The following PDE1A variants were observed in gnomAD, a reference collection of about 807,000 sequenced individuals.
PDE1A encodes dual specificity calcium/calmodulin-dependent 3',5'-cyclic nucleotide phosphodiesterase 1A.
A neutral mutation model predicts 61.7 loss-of-function variants in PDE1A; 35 were observed. The observed-to-expected ratio is 0.57, with a 90% CI of 0.43 to 0.75. The LOEUF is 0.75. PDE1A is among the 30% of genes least tolerant of loss of function. PDE1A has a pLI of 0.00. For synonymous variants in PDE1A, 232 were observed against 213.2 expected, an observed-to-expected ratio of 1.09 and a Z score of -0.77; for missense variants, 597 against 630.6, an observed-to-expected ratio of 0.95 and a Z score of 0.57.
At chr2:182,202,895 A>G (rs184745655) in intron 8 of PDE1A, among the ~76,000 whole-genome samples, 201 of 152,310 alleles carry the variant, frequency 1.3e-3, no homozygotes, top group African/African-American at 4.5e-3. Context: ...AACATATTTC[A>G]TTTTCATTGT....
chr2:182,623,177 G>A, the PDE1A span, among the ~76,000 whole-genome samples: 10 of 152,158 alleles, frequency 6.6e-5, no homozygotes. Flanking sequence ...GAATAGGTAG[G>A]CATATGCATA....
At chr2:182,301,140 G>T (rs1695216330) in intron 1 of PDE1A, among the ~76,000 whole-genome samples, 2 of 152,098 alleles carry the variant, frequency 1.3e-5, no homozygotes, top group African/African-American at 4.8e-5. Context: ...TTGAACTAAA[G>T]AACCCATATT....
rs192959493 is a variant in PDE1A at position 182,456,807 on chromosome 2, G to T, written c.101+65469C>A. Among the ~76,000 whole-genome samples, 69 of 152,200 alleles carry T rather than the reference G, an allele frequency of 4.5e-4. 1 individual carries two copies. The highest frequency in any genetic ancestry group is 1.5e-3 in the African/African-American group (62 of 41,552). On this transcript the variant is annotated intron_variant, in intron 2 of 14. Transcript: ENST00000410103. ...TACAACTGCCAAAAAATGTGCGTGT[G>T]TGTTTATATGTAAAATCAAATTAGT...
intron 2 of PDE1A, among the ~76,000 whole-genome samples, chr2:182,435,460 T>C (rs1325179332): frequency 6.6e-6 from 1 of 152,024 alleles, no homozygotes; most frequent in Non-Finnish European, 1.5e-5. Flanking sequence ...TGATTTCAAG[T>C]GCACATGGTG....
the PDE1A span, among the ~76,000 whole-genome samples, chr2:182,704,502 G>A: frequency 1.3e-5 from 2 of 152,160 alleles, no homozygotes; most frequent in Admixed American, 1.3e-4. Flanking sequence ...GGAGAGGAAG[G>A]TCAAAGTAAG....
At chr2:182,255,316 T>A (rs4666829) in intron 2 of PDE1A, among the ~76,000 whole-genome samples, 2,866 of 152,278 alleles carry the variant, frequency 0.019, 114 homozygotes, top group East Asian at 0.087. Flanking sequence ...ATAAAAGCCG[T>A]TCATTAGCCC....
intron 1 of PDE1A, among the ~76,000 whole-genome samples, chr2:182,330,679 A>G (rs1046109315): frequency 6.6e-6 from 1 of 152,070 alleles, no homozygotes; most frequent in African/African-American, 2.4e-5. Flanking sequence ...CTGCAGCTCT[A>G]GAAAGGGGTC....
chr2:182,605,570 G>GT, the PDE1A span, among the ~76,000 whole-genome samples: 1 of 152,192 alleles, frequency 6.6e-6, no homozygotes, highest in Non-Finnish European at 1.5e-5. Context: ...AAATAAACCT[G>GT]TTTTTTAAGT....
At chr2:182,227,129 G>T (rs1186427094) in intron 6 of PDE1A, among the ~76,000 whole-genome samples, 1 of 151,954 alleles carries the variant, frequency 6.6e-6, no homozygotes, top group Non-Finnish European at 1.5e-5. Flanking sequence ...TTTTTCAACG[G>T]ATCACAATAG....
At chr2:182,193,636 G>A (rs1013388913) in intron 10 of PDE1A, among the ~76,000 whole-genome samples, 6 of 151,948 alleles carry the variant, frequency 3.9e-5, no homozygotes, top group East Asian at 3.9e-4. Flanking sequence ...TTCTAAATTC[G>A]AAGAACGCCA....
the PDE1A span, among the ~76,000 whole-genome samples, chr2:182,610,813 C>G: frequency 6.6e-6 from 1 of 151,580 alleles, no homozygotes; most frequent in African/African-American, 2.4e-5. Flanking sequence ...AATTAAGTAT[C>G]CTAAAAACAA....
intron 1 of PDE1A, among the ~76,000 whole-genome samples, chr2:182,273,870 T>C (rs1693214629): frequency 6.6e-6 from 1 of 152,034 alleles, no homozygotes; most frequent in African/African-American, 2.4e-5. Flanking sequence ...CCACCAAAAA[T>C]AACAAAGGAA....
At chr2:182,575,866 A>C in the PDE1A span, among the ~76,000 whole-genome samples, 1 of 146,604 alleles carries the variant, frequency 6.8e-6, no homozygotes. Flanking sequence ...CCTTGTGATC[A>C]TATAAGTTAA....
At chr2:182,203,411 G>A (rs1376372562) in intron 8 of PDE1A, among the ~76,000 whole-genome samples, 2 of 152,182 alleles carry the variant, frequency 1.3e-5, no homozygotes, top group East Asian at 3.8e-4. Flanking sequence ...TAGAAGCCAT[G>A]AGAATCAATA....
At chr2:182,602,325 C>G in the PDE1A span, among the ~76,000 whole-genome samples, 14 of 152,258 alleles carry the variant, frequency 9.2e-5, no homozygotes, top group Non-Finnish European at 1.5e-4. Context: ...AGCCATGTCT[C>G]TCTGCTGCAG....
At chr2:182,672,317 A>T in the PDE1A span, among the ~76,000 whole-genome samples, 1 of 152,206 alleles carries the variant, frequency 6.6e-6, no homozygotes, top group Non-Finnish European at 1.5e-5. Flanking sequence ...TATGCACCTT[A>T]AAATAGTGTT....
chr2:182,608,091 CCTT>C, the PDE1A span, among the ~76,000 whole-genome samples: 5 of 152,208 alleles, frequency 3.3e-5, no homozygotes, highest in African/African-American at 1.2e-4. Flanking sequence ...TTTCCTCCGA[CCTT>C]CTCCTGCCCT....
intron 2 of PDE1A, among the ~76,000 whole-genome samples, chr2:182,249,846 A>G (rs547993568): frequency 6.6e-6 from 1 of 151,744 alleles, no homozygotes; most frequent in East Asian, 1.9e-4. Context: ...CAGCTGCTTT[A>G]TTGCTTTCTT....
intron 2 of PDE1A, among the ~76,000 whole-genome samples, chr2:182,449,628 T>C (rs774599303): frequency 1.3e-5 from 2 of 152,080 alleles, no homozygotes; most frequent in Non-Finnish European, 2.9e-5. Context: ...ACACTAAACA[T>C]TCACTCTTTG....
Sources: allele counts gnomAD v4.1 joint callset (sites outside exome capture counted in the v4.1 genomes callset), GRCh38; gene constraint gnomAD v4.1.1; transcripts MANE v1.5; gene names NCBI Gene and HGNC (gene_info 2026-07-23, HGNC 2026-07-21).